ZFHX3: variants seen among roughly 807,000 people sequenced by gnomAD.
ZFHX3 encodes the protein zinc finger homeobox protein 3.
In ZFHX3, 42 loss-of-function variants were observed where a neutral mutation model predicts 279.1. The ratio of observed to expected loss-of-function variants is 0.15; its 90% CI spans 0.12 to 0.19. ZFHX3 has a LOEUF of 0.19. Ranked by LOEUF, ZFHX3 falls within the 10% of genes least tolerant of loss-of-function variation. The pLI is 1.00. For missense variants in ZFHX3, 4,981 were observed against 4,754.0 expected (o/e 1.05, Z -1.40); for synonymous variants, 2,293 against 1,957.8 (o/e 1.17, Z -4.52).
At position 72,959,566 on chromosome 16, in the gene ZFHX3, T is replaced by C; in HGVS notation, c.580A>G (p.Ile194Val). 6.2e-7 allele frequency: 1 copy of C among 1,614,206 alleles called. No homozygotes were observed. Among genetic ancestry groups the C allele is most frequent in the Non-Finnish European group, 8.5e-7 (1 of 1,180,034 alleles). ...GAGGCTATGTGGAAAGTGTTGATGA[T>C]CTGCGGGTACACGGGTGCAGCACAC... ...PSCAAPVYPQIINTFHIASSF... is the reference protein window; with the variant it reads ...PSCAAPVYPQVINTFHIASSF... The change falls in exon 2 of 10, where the codon ATC becomes GTC. Residue 194 changes from isoleucine to valine, a missense_variant. By Grantham distance (29) the Ile-to-Val change is conservative. Around this residue, in one of 7 missense-constraint regions of ZFHX3, gnomAD observed 1,068 missense variants for 935.2 expected, o/e 1.14. Coordinates refer to ENST00000268489, the MANE Select transcript of ZFHX3 (RefSeq NM_006885.4).
chr16:73,446,996 C>T (rs536499504), intron 3 of ZFHX3, among the ~76,000 whole-genome samples: 3 of 151,984 alleles, frequency 2.0e-5, no homozygotes, highest in Admixed American at 2.0e-4. Context: ...CTGGCTAACA[C>T]AGTGAAACAC....
At chr16:73,281,128 G>A (rs577669205) in intron 4 of ZFHX3, among the ~76,000 whole-genome samples, 113 of 151,724 alleles carry the variant, frequency 7.4e-4, no homozygotes, top group Middle Eastern at 3.4e-3. Context: ...TCCCACTACT[G>A]AATATATATT....
chr16:73,432,712 C>A (rs1659194079), intron 3 of ZFHX3, among the ~76,000 whole-genome samples: 1 of 152,230 alleles, frequency 6.6e-6, no homozygotes, highest in South Asian at 2.1e-4. Context: ...GCAATGTCAG[C>A]ATCAGGGACT....
At chr16:73,074,080 G>A (rs1367216272) in intron 8 of ZFHX3, among the ~76,000 whole-genome samples, 3 of 152,328 alleles carry the variant, frequency 2.0e-5, no homozygotes, top group Middle Eastern at 3.4e-3. Flanking sequence ...ACTCCAAGTG[G>A]TGGAAAGATA....
chr16:72,970,496 C>T (rs778497065), intron 1 of ZFHX3, among the ~76,000 whole-genome samples: 5 of 152,134 alleles, frequency 3.3e-5, no homozygotes, highest in Non-Finnish European at 7.4e-5. Context: ...GTGCTCCTGA[C>T]TTGGATTTAA....
chr16:73,855,518 G>T (rs891373477), intron 1 of ZFHX3, among the ~76,000 whole-genome samples: 1 of 152,084 alleles, frequency 6.6e-6, no homozygotes, highest in Non-Finnish European at 1.5e-5. Context: ...GGAGGAGGAG[G>T]AGGAGGAGGA....
At chr16:73,286,699 G>A (rs1211681443) in intron 4 of ZFHX3, among the ~76,000 whole-genome samples, 1 of 151,346 alleles carries the variant, frequency 6.6e-6, no homozygotes, top group Non-Finnish European at 1.5e-5. Context: ...GTGAGTGTGA[G>A]TGTGTGGGTG....
exon 1 of ZFHX3, chr16:73,891,756 C>CTT (rs2030546561): frequency 6.6e-6 from 1 of 151,826 alleles, no homozygotes. Flanking sequence ...CTCTCTCTCT[C>CTT]TCTCTCTCTC....
At chr16:73,277,376 C>CCAGAGCAGGGCCAGGCT (rs1321667337) in intron 4 of ZFHX3, among the ~76,000 whole-genome samples, 1 of 152,134 alleles carries the variant, frequency 6.6e-6, no homozygotes, top group East Asian at 1.9e-4. Context: ...CTCCAGAGGC[C>CCAGAGCAGGGCCAGGCT]CAGAGCAGGG....
chr16:73,135,819 T>C (rs1966778419), intron 6 of ZFHX3, among the ~76,000 whole-genome samples: 1 of 151,872 alleles, frequency 6.6e-6, no homozygotes, highest in Admixed American at 6.6e-5. Context: ...TCCCTACCTC[T>C]CCCTATTGCC....
At chr16:73,716,592 C>T (rs73599955) in intron 1 of ZFHX3, among the ~76,000 whole-genome samples, 6,381 of 149,996 alleles carry the variant, frequency 0.043, 206 homozygotes, top group African/African-American at 0.091. Context: ...AGTTCCTTCT[C>T]CCCCAGAATT....
chr16:73,636,598 G>C (rs546951586), intron 2 of ZFHX3, among the ~76,000 whole-genome samples: 1 of 152,060 alleles, frequency 6.6e-6, no homozygotes, highest in East Asian at 1.9e-4. Flanking sequence ...AAACACAACA[G>C]CTTTTCTATA....
At chr16:72,890,662 G>A (rs78217729) in intron 3 of ZFHX3, among the ~76,000 whole-genome samples, 31 of 152,242 alleles carry the variant, frequency 2.0e-4, no homozygotes, top group South Asian at 1.2e-3. Flanking sequence ...GTGCAACACC[G>A]GCTTTCCTGG....
chr16:73,306,021 C>T (rs941439151), intron 4 of ZFHX3, among the ~76,000 whole-genome samples: 3 of 152,158 alleles, frequency 2.0e-5, no homozygotes, highest in South Asian at 2.1e-4. Flanking sequence ...CAGTGGAACC[C>T]GCAAGTCTGC....
chr16:73,359,673 G>A (rs17291082), intron 3 of ZFHX3, among the ~76,000 whole-genome samples: 1 of 152,154 alleles, frequency 6.6e-6, no homozygotes, highest in African/African-American at 2.4e-5. Context: ...GGCATGGAAC[G>A]TCTGGAGCTA....
intron 8 of ZFHX3, among the ~76,000 whole-genome samples, chr16:73,067,197 G>T (rs1567656317): frequency 6.6e-6 from 1 of 152,156 alleles, no homozygotes; most frequent in Non-Finnish European, 1.5e-5. Context: ...TTCTGTCTGG[G>T]AAGAAAAAAG....
chr16:73,784,612 T>G (rs1959578114), intron 1 of ZFHX3, among the ~76,000 whole-genome samples: 1 of 151,756 alleles, frequency 6.6e-6, no homozygotes, highest in African/African-American at 2.4e-5. Context: ...CTGGGGGTGG[T>G]GGCACGTGCC....
chr16:73,499,335 G>A (rs2019195993), intron 2 of ZFHX3: 1 of 152,234 alleles, frequency 6.6e-6, no homozygotes, highest in African/African-American at 2.4e-5. Context: ...TGATGGGGAC[G>A]TGAGTTAATT....
chr16:73,360,699 G>C (rs2016420387), intron 3 of ZFHX3, among the ~76,000 whole-genome samples: 1 of 152,204 alleles, frequency 6.6e-6, no homozygotes, highest in East Asian at 1.9e-4. Flanking sequence ...GTTAACTCTG[G>C]AGAACACAGT....
Sources: allele counts gnomAD v4.1 joint callset (sites outside exome capture counted in the v4.1 genomes callset), GRCh38; gene constraint gnomAD v4.1.1; regional missense constraint gnomAD v4.1.1; transcripts MANE v1.5; gene names NCBI Gene and HGNC (gene_info 2026-07-23, HGNC 2026-07-21).